Variants in TXNRD3 observed in about 807,000 individuals in gnomAD.
The protein encoded by TXNRD3 is TXNRD3 neighbor gene protein.
In TXNRD3, 68 loss-of-function variants were observed where a neutral mutation model predicts 78.2. That is an observed-to-expected ratio of 0.87 (90% CI 0.72 to 1.06). The LOEUF (loss-of-function observed/expected upper bound fraction) is 1.06, where lower values mean the gene tolerates loss of function less well. Ranked by LOEUF, TXNRD3 falls within the 50% of genes least tolerant of loss-of-function variation. TXNRD3 has a pLI of 0.00. For synonymous variants in TXNRD3, 296 were observed against 300.1 expected (o/e 0.99, Z 0.14); for missense variants, 751 against 809.5 (o/e 0.93, Z 0.88).
At chr3:126,647,946 T>C (rs186982993) in intron 1 of TXNRD3, among the ~76,000 whole-genome samples, 42 of 152,332 alleles carry the variant, frequency 2.8e-4, no homozygotes, top group African/African-American at 9.4e-4. Context: ...ACAGACAACA[T>C]GATCTCATGC....
At chr3:126,635,041 T>C (rs887465170) in intron 6 of TXNRD3, among the ~76,000 whole-genome samples, 1 of 152,164 alleles carries the variant, frequency 6.6e-6, no homozygotes, top group African/African-American at 2.4e-5. Context: ...CTTACTACAT[T>C]ACCTCATCCT....
chr3:126,646,713 C>G (rs1223512753), intron 2 of TXNRD3, among the ~76,000 whole-genome samples: 1 of 152,174 alleles, frequency 6.6e-6, no homozygotes, highest in Non-Finnish European at 1.5e-5. Context: ...ATTAAGGCAA[C>G]TTTAAAGTGA....
At chr3:126,608,976 A>G (rs998709362) in intron 14 of TXNRD3, among the ~76,000 whole-genome samples, 1 of 152,192 alleles carries the variant, frequency 6.6e-6, no homozygotes, top group African/African-American at 2.4e-5. Flanking sequence ...CAACATTGGA[A>G]TAACTCTAGG....
chr3:126,634,261 AG>A, intron 6 of TXNRD3, among the ~76,000 whole-genome samples: 1 of 151,656 alleles, frequency 6.6e-6, no homozygotes, highest in African/African-American at 2.4e-5. Context: ...TCTGAAAAGA[AG>A]AAAACTGGGG....
chr3:126,623,386 G>A (rs1938500348), intron 10 of TXNRD3, among the ~76,000 whole-genome samples: 1 of 152,078 alleles, frequency 6.6e-6, no homozygotes, highest in East Asian at 1.9e-4. Context: ...TCAGACAAGT[G>A]CATTAAAAGA....
intron 10 of TXNRD3, among the ~76,000 whole-genome samples, chr3:126,628,784 C>T (rs1032022898): frequency 6.6e-6 from 1 of 152,050 alleles, no homozygotes; most frequent in African/African-American, 2.4e-5. Context: ...TAATCAAAAT[C>T]TCAATAAGGT....
At chr3:126,651,128 A>G (rs1933377889) in intron 1 of TXNRD3, among the ~76,000 whole-genome samples, 1 of 152,216 alleles carries the variant, frequency 6.6e-6, no homozygotes, top group South Asian at 2.1e-4. Context: ...TATGGTGTCT[A>G]ATTTTGGGGG....
chr3:126,610,942 C>T lies in TXNRD3; in HGVS notation c.1728+95G>A, dbSNP rs1021578858. Reference sequence around the variant, plus strand: ...CAGCCTGAGCAACATGGCAAGATCCCGTCTCTAAAAAAAAAAATTATAGAA... The same window carrying T: ...CAGCCTGAGCAACATGGCAAGATCCTGTCTCTAAAAAAAAAAATTATAGAA... On this transcript the variant is annotated intron_variant, in intron 14 of 15. Transcript: ENST00000524230. The T allele has an allele frequency of 2.7e-5, 20 of 739,332 alleles. No individual in the cohort carries two copies. In the Admixed American group the frequency reaches 3.9e-4, roughly 14 times the overall value. The allele number at this position is 739,332 out of a possible 1,614,324, so 45.8% of individuals were successfully genotyped here. A position where few individuals can be genotyped will look rare whatever the true frequency, so the allele number is the denominator to read the frequency against.
chr3:126,627,491 G>T (rs561570205), intron 10 of TXNRD3, among the ~76,000 whole-genome samples: 13 of 152,302 alleles, frequency 8.5e-5, no homozygotes, highest in African/African-American at 2.6e-4. Flanking sequence ...GTGGACATCT[G>T]TCAAAACTGA....
chr3:126,653,697 G>C (rs1933441652), intron 1 of TXNRD3, among the ~76,000 whole-genome samples: 1 of 152,202 alleles, frequency 6.6e-6, no homozygotes, highest in African/African-American at 2.4e-5. Context: ...TCAGCTTCAA[G>C]ATACCTATTC....
intron 7 of TXNRD3, among the ~76,000 whole-genome samples, 174 bp from the exon 8 acceptor site, chr3:126,632,053 A>G (rs1450017544): frequency 6.6e-6 from 1 of 152,236 alleles, no homozygotes; most frequent in Non-Finnish European, 1.5e-5. Flanking sequence ...TCTTTATGAA[A>G]TATTAATCAA....
chr3:126,616,187 G>C (rs1189383679), intron 12 of TXNRD3, among the ~76,000 whole-genome samples: 1 of 152,238 alleles, frequency 6.6e-6, no homozygotes, highest in African/African-American at 2.4e-5. Context: ...GCTGTGTGGA[G>C]AGGAGCTGGA....
At chr3:126,631,550 G>A (rs989942259) in intron 8 of TXNRD3, among the ~76,000 whole-genome samples, 3 of 151,190 alleles carry the variant, frequency 2.0e-5, no homozygotes, top group East Asian at 1.9e-4. Flanking sequence ...AGACACACAC[G>A]GCATATTTTT....
intron 14 of TXNRD3, 40 bp downstream of exon 14, chr3:126,610,997 T>TA: frequency 8.2e-7 from 1 of 1,218,978 alleles, no homozygotes; most frequent in African/African-American, 1.6e-5. Flanking sequence ...AAGCTACATT[T>TA]AAAAATCACA....
In TXNRD3 at chr3:126,630,701, T is replaced by C. The variant is rs1432258592; in HGVS notation, c.1197+11A>G. On this transcript the variant is annotated intron_variant, in intron 9 of 15. Transcript: ENST00000524230. ...TAGAGAAAAAAAATTGCAAATGCCA[T>C]GCAGCCTTACCATCACAGGTATGAA... 6.5e-6 allele frequency: 10 copies of C among 1,533,760 alleles called. No individual in the cohort carries two copies. In the South Asian group the frequency reaches 7.1e-5, roughly 11 times the overall value.
intron 11 of TXNRD3, among the ~76,000 whole-genome samples, chr3:126,622,223 G>A (rs1283002455): frequency 6.6e-6 from 1 of 152,126 alleles, no homozygotes; most frequent in Non-Finnish European, 1.5e-5. Flanking sequence ...ACAGACATTA[G>A]GTAAATATAT....
chr3:126,619,348 A>G (rs1938389607), intron 12 of TXNRD3, among the ~76,000 whole-genome samples: 1 of 152,364 alleles, frequency 6.6e-6, no homozygotes, highest in African/African-American at 2.4e-5. Context: ...AAAACGTAGT[A>G]TATAAACACA....
intron 12 of TXNRD3, among the ~76,000 whole-genome samples, chr3:126,619,596 T>C (rs988909726): frequency 2.6e-5 from 4 of 152,174 alleles, no homozygotes; most frequent in East Asian, 3.9e-4. Context: ...GGTTGGTTAA[T>C]AGACACAAAA....
intron 10 of TXNRD3, among the ~76,000 whole-genome samples, chr3:126,626,237 G>A (rs1479251032): frequency 6.6e-6 from 1 of 152,130 alleles, no homozygotes; most frequent in African/African-American, 2.4e-5. Flanking sequence ...TGACCTTTGG[G>A]TTAGCAAAGA....
Sources: allele counts gnomAD v4.1 joint callset (sites outside exome capture counted in the v4.1 genomes callset), GRCh38; gene constraint gnomAD v4.1.1; transcripts MANE v1.5; gene names NCBI Gene and HGNC (gene_info 2026-07-23, HGNC 2026-07-21).